LDLRAD4: variants seen among roughly 807,000 people sequenced by gnomAD.
LDLRAD4 encodes the protein low-density lipoprotein receptor class A domain-containing protein 4.
Under a neutral mutation model 17.0 loss-of-function variants are expected in LDLRAD4, and 5 were observed. The observed-to-expected ratio is 0.29, with a 90% CI of 0.15 to 0.62. LDLRAD4 has a LOEUF of 0.62. Ranked by LOEUF, LDLRAD4 falls within the 20% of genes least tolerant of loss-of-function variation. The pLI, the probability that LDLRAD4 is intolerant of heterozygous loss-of-function variation, is 0.84. For missense variants in LDLRAD4, 340 were observed against 424.7 expected (o/e 0.80, Z 1.75); for synonymous variants, 168 against 171.8 (o/e 0.98, Z 0.17).
chr18:13,643,428 A>C lies in LDLRAD4; in HGVS notation c.390+16A>C. ...CGCCTCGGAGGTAAGGGGCCCCAGG[A>C]GGTGATGGCTGCGGGGGGCGGGGGG... On this transcript the variant is annotated intron_variant, in intron 5 of 5. Transcript: ENST00000359446. 2.4e-6 allele frequency: 1 copy of C among 411,224 alleles called. No homozygotes were observed. The highest frequency in any genetic ancestry group is 3.1e-6 in the Non-Finnish European group (1 of 321,054). The allele number at this position is 411,224 out of a possible 1,614,324, so 25.5% of individuals were successfully genotyped here. A position where few individuals can be genotyped will look rare whatever the true frequency, so the allele number is the denominator to read the frequency against.
At chr18:13,388,049 G>GT (rs2085958834) in intron 2 of LDLRAD4, among the ~76,000 whole-genome samples, 1 of 152,224 alleles carries the variant, frequency 6.6e-6, no homozygotes, top group Non-Finnish European at 1.5e-5. Context: ...CCAAGTCTCT[G>GT]TTCTCTAAGG....
rs1318213927 is a variant in LDLRAD4 at position 13,567,458 on chromosome 18, C to T, written c.182-53659C>T. Among the ~76,000 whole-genome samples the T allele has an allele frequency of 4.6e-5, 7 of 152,154 alleles. No individual in the cohort carries two copies. The East Asian group carries it at 1.2e-3, about 25-fold the overall frequency. On this transcript the variant is annotated intron_variant, in intron 3 of 5. Coordinates refer to ENST00000359446, the Ensembl canonical transcript of LDLRAD4. ...CAAACGCACTGTCACCACCCCCCGC[C>T]GCTGCAGCCCCCCAGGAGTTACGCT...
intron 4 of LDLRAD4, among the ~76,000 whole-genome samples, chr18:13,635,991 G>A (rs940520084): frequency 2.6e-5 from 4 of 151,034 alleles, no homozygotes; most frequent in East Asian, 3.9e-4. Flanking sequence ...TGTGGATATC[G>A]GCTAGGGACT....
chr18:13,310,034 C>G (rs2146712699), intron 1 of LDLRAD4, among the ~76,000 whole-genome samples: 1 of 152,236 alleles, frequency 6.6e-6, no homozygotes, highest in Admixed American at 6.5e-5. Context: ...TTGTCCACTT[C>G]TTTCCTTTCA....
chr18:13,381,393 G>T (rs1372910439), intron 1 of LDLRAD4, among the ~76,000 whole-genome samples: 2 of 152,124 alleles, frequency 1.3e-5, no homozygotes, highest in African/African-American at 4.8e-5. Context: ...ATGCCCATTT[G>T]CCCTCTCTCT....
chr18:13,512,893 AT>A (rs1568280859), intron 3 of LDLRAD4, among the ~76,000 whole-genome samples: 1 of 152,108 alleles, frequency 6.6e-6, no homozygotes, highest in East Asian at 1.9e-4. Context: ...TGAAAAGTAA[AT>A]TTTTTTGGCT....
chr18:13,231,086 G>A (rs964182677), intron 1 of LDLRAD4, among the ~76,000 whole-genome samples: 3 of 152,176 alleles, frequency 2.0e-5, no homozygotes, highest in Admixed American at 6.5e-5. Context: ...GGGTGCTGCG[G>A]GGCTGCAGGG....
chr18:13,639,167 C>G (rs1354564782), intron 4 of LDLRAD4, among the ~76,000 whole-genome samples: 2 of 152,230 alleles, frequency 1.3e-5, no homozygotes, highest in Admixed American at 6.5e-5. Flanking sequence ...CCAAGAACAT[C>G]AGTGCCTTCA....
rs1209950773 is a variant in LDLRAD4 at position 13,476,288 on chromosome 18, T to C, written c.181+37904T>C. Among the ~76,000 whole-genome samples the C allele has an allele frequency of 2.0e-5, 3 of 152,218 alleles. No homozygotes were observed. In the South Asian group the frequency reaches 6.2e-4, roughly 32 times the overall value. On this transcript the variant is annotated intron_variant, in intron 3 of 5. Coordinates refer to ENST00000359446, the Ensembl canonical transcript of LDLRAD4. ...AATGAAGTCCTCAGTGTTTAAAAAT[T>C]AGAAGTAAATTGCCAACATTAAGAC...
At chr18:13,431,183 C>G (rs1252293444) in intron 2 of LDLRAD4, among the ~76,000 whole-genome samples, 2 of 152,108 alleles carry the variant, frequency 1.3e-5, no homozygotes, top group African/African-American at 4.8e-5. Flanking sequence ...AAAGTGACCC[C>G]AGCATCCTCA....
intron 3 of LDLRAD4, among the ~76,000 whole-genome samples, chr18:13,496,826 C>G (rs980286843): frequency 6.6e-6 from 1 of 152,248 alleles, no homozygotes; most frequent in Non-Finnish European, 1.5e-5. Context: ...TATAAAATGT[C>G]ATGCCCACAC....
intron 1 of LDLRAD4, among the ~76,000 whole-genome samples, chr18:13,305,894 C>A (rs1360237315): frequency 6.6e-6 from 1 of 152,058 alleles, no homozygotes; most frequent in East Asian, 1.9e-4. Flanking sequence ...CACCTATAGA[C>A]TCTAATAAGA....
At chr18:13,524,423 A>G (rs941120010) in intron 3 of LDLRAD4, among the ~76,000 whole-genome samples, 15 of 152,206 alleles carry the variant, frequency 9.9e-5, no homozygotes, top group Admixed American at 8.5e-4. Flanking sequence ...GAGTAGATCA[A>G]ATATCTTCAC....
intron 3 of LDLRAD4, among the ~76,000 whole-genome samples, chr18:13,466,472 C>CAAAAAAAAA (rs5823251): frequency 9.2e-6 from 1 of 108,468 alleles, no homozygotes; most frequent in Non-Finnish European, 1.8e-5. Flanking sequence ...CTTGTTTCAC[C>CAAAAAAAAA]AAAAAAAAAA....
At chr18:13,497,118 A>G (rs1232099555) in intron 3 of LDLRAD4, among the ~76,000 whole-genome samples, 1 of 152,212 alleles carries the variant, frequency 6.6e-6, no homozygotes, top group Non-Finnish European at 1.5e-5. Flanking sequence ...TAGTCTAAAT[A>G]AAGTGGAGAC....
chr18:13,599,382 GA>G (rs2095133116), intron 3 of LDLRAD4, among the ~76,000 whole-genome samples: 1 of 152,088 alleles, frequency 6.6e-6, no homozygotes, highest in Admixed American at 6.6e-5. Flanking sequence ...ACAATTTTCA[GA>G]GACTCAAAAT....
intron 3 of LDLRAD4, among the ~76,000 whole-genome samples, chr18:13,605,715 C>CTGTT (rs1035456484): frequency 9.2e-5 from 14 of 152,216 alleles, no homozygotes; most frequent in Non-Finnish European, 1.6e-4. Flanking sequence ...CACACAAACT[C>CTGTT]TGTTTGTGTT....
chr18:13,547,574 G>A (rs560388435), intron 3 of LDLRAD4, among the ~76,000 whole-genome samples: 14 of 152,348 alleles, frequency 9.2e-5, no homozygotes, highest in South Asian at 2.1e-4. Context: ...GCAGAGTGGC[G>A]AGGGGTGCAT....
Position 13,492,446 on chromosome 18 carries a change from G to A in LDLRAD4, c.181+54062G>A, listed in dbSNP as rs116930163. On this transcript the variant is annotated intron_variant, in intron 3 of 5. Coordinates refer to ENST00000359446, the Ensembl canonical transcript of LDLRAD4. ...TGGAGTTGGTCCTCCCTTCCCCCCC[G>A]GGTCTGAATCTGCCTGCTCCTGTGC... is the stretch of plus-strand genomic sequence containing the variant. 2.3e-3 allele frequency among the ~76,000 whole-genome samples: 353 copies of A among 152,282 alleles called. 11 individuals are homozygous for A. In the East Asian group the frequency reaches 0.061, roughly 26 times the overall value.
Sources: gnomAD v4.1 joint callset for allele counts (sites outside exome capture counted in the v4.1 genomes callset) on GRCh38, gnomAD v4.1.1 for gene constraint, MANE v1.5 for transcripts, NCBI Gene and HGNC (gene_info 2026-07-23, HGNC 2026-07-21) for gene names.